The following PARP11 variants were observed in gnomAD, a reference collection of about 807,000 sequenced individuals.
The protein encoded by PARP11 is protein mono-ADP-ribosyltransferase PARP11.
In PARP11, 31 loss-of-function variants were observed where a neutral mutation model predicts 42.9. The ratio of observed to expected loss-of-function variants is 0.72; its 90% CI spans 0.54 to 0.98. PARP11 has a LOEUF of 0.98. Ranked by LOEUF, PARP11 falls within the 50% of genes least tolerant of loss-of-function variation. The pLI is 0.00. For missense variants in PARP11, 365 were observed against 413.1 expected, an observed-to-expected ratio of 0.88 and a Z score of 1.01; for synonymous variants, 137 against 127.3, an observed-to-expected ratio of 1.08 and a Z score of -0.51.
intron 1 of PARP11, chr12:3,842,008 G>A (rs1947898276): frequency 1.2e-6 from 2 of 1,610,952 alleles, no homozygotes; most frequent in Admixed American, 3.3e-5. Context: ...GACACGAAAG[G>A]CAGATATGGC....
rs773746009 is a variant in PARP11, at chr12:3,822,086, T to C, written c.416A>G (p.Gln139Arg). 2.5e-6 allele frequency: 4 copies of C among 1,613,290 alleles called. No homozygotes were observed. The highest frequency in any genetic ancestry group is 3.4e-6 in the Non-Finnish European group (4 of 1,179,372). ...WENVNTQVPY[Q>R]LIPLHNQTHE... Reference sequence around the variant, plus strand: ...ATATTCAGTCAATTCTGCTCTTACCTGATATGGTACTTGAGTATTCACATT... The same window carrying C: ...ATATTCAGTCAATTCTGCTCTTACCCGATATGGTACTTGAGTATTCACATT... The change falls in exon 5 of 8, where the codon CAG becomes CGG. Residue 139 changes from glutamine (Q) to arginine (R), a missense_variant and splice_region_variant. By Grantham distance (43) the Gln-to-Arg change is conservative. Transcript: ENST00000228820.
rs536173387 is a variant in PARP11, at chr12:3,808,906, T to C, written c.*3217A>G. 6.6e-5 allele frequency: 10 copies of C among 152,294 alleles called. No homozygotes were observed. The East Asian group carries it at 1.7e-3, about 26-fold the overall frequency. 9.4% of individuals were successfully genotyped at this position (152,294 alleles called of 1,614,324 possible). On this transcript the variant is annotated 3_prime_UTR_variant, in exon 8 of 8. Coordinates refer to ENST00000228820, the MANE Select transcript of PARP11 (RefSeq NM_020367.6). ...AATCATCACATGTAAAAGCAATACA[T>C]TCATATATCAAAATTGGCTCCAAAT... is the stretch of plus-strand genomic sequence containing the variant.
intron 1 of PARP11, among the ~76,000 whole-genome samples, chr12:3,868,390 G>A (rs947864716): frequency 1.3e-5 from 2 of 152,082 alleles, no homozygotes; most frequent in African/African-American, 4.8e-5. Context: ...AACCCAGGAG[G>A]CAGAGGTTGC....
intron 1 of PARP11, among the ~76,000 whole-genome samples, chr12:3,837,962 A>C (rs1947801186): frequency 6.6e-6 from 1 of 151,758 alleles, no homozygotes; most frequent in South Asian, 2.1e-4. Context: ...ACAAACATTA[A>C]TAGACTTAAA....
At chr12:3,844,436 T>C (rs1368960524) in intron 1 of PARP11, among the ~76,000 whole-genome samples, 1 of 152,252 alleles carries the variant, frequency 6.6e-6, no homozygotes, top group Non-Finnish European at 1.5e-5. Context: ...TGCTTTTTTT[T>C]GTAGGACTAG....
chr12:3,813,900 C>T (rs919483852), intron 7 of PARP11, 137 bp downstream of exon 7: 10 of 569,678 alleles, frequency 1.8e-5, no homozygotes, highest in Non-Finnish European at 2.6e-5. Context: ...TTCTCGTACA[C>T]AATGCAATTA....
At chr12:3,815,789 G>C (rs1947274345) in intron 6 of PARP11, among the ~76,000 whole-genome samples, 1 of 152,184 alleles carries the variant, frequency 6.6e-6, no homozygotes, top group African/African-American at 2.4e-5. Context: ...GAATGCAATA[G>C]ATTTCAGTTA....
chr12:3,848,378 A>G (rs10848945), intron 1 of PARP11, among the ~76,000 whole-genome samples: 60,248 of 151,798 alleles, frequency 0.4, 14,466 homozygotes, highest in East Asian at 0.73. Context: ...AAATAAGGCT[A>G]GAGGCCTCAC....
At chr12:3,839,317 G>C (rs1947839024) in intron 1 of PARP11, 2 of 1,525,350 alleles carry the variant, frequency 1.3e-6, no homozygotes, top group Middle Eastern at 2.2e-4. Context: ...GGCGGCCGTC[G>C]GCGTCCCCGA....
At chr12:3,862,094 T>G (rs1042714070) in intron 1 of PARP11, among the ~76,000 whole-genome samples, 8 of 152,046 alleles carry the variant, frequency 5.3e-5, no homozygotes, top group Non-Finnish European at 1.0e-4. Flanking sequence ...ATGTTCAACA[T>G]GATTAGTCAT....
chr12:3,835,272 A>G (rs149066891), intron 1 of PARP11, among the ~76,000 whole-genome samples: 2 of 152,340 alleles, frequency 1.3e-5, no homozygotes, highest in Non-Finnish European at 2.9e-5. Context: ...GAAATGCCAC[A>G]TAAGTAGTCA....
chr12:3,814,558 G>T (rs1028503458), intron 6 of PARP11, among the ~76,000 whole-genome samples: 6 of 152,168 alleles, frequency 3.9e-5, no homozygotes, highest in African/African-American at 1.2e-4. Flanking sequence ...TTTAGACAGT[G>T]AATTCCTTGA....
intron 1 of PARP11, among the ~76,000 whole-genome samples, chr12:3,838,569 C>G (rs11062855): frequency 0.042 from 6,333 of 152,046 alleles, 149 homozygotes; most frequent in South Asian, 0.096. Context: ...AAAAATAAAC[C>G]AAATCCAAAA....
At chr12:3,863,193 T>G (rs1221954007) in intron 1 of PARP11, among the ~76,000 whole-genome samples, 1 of 152,218 alleles carries the variant, frequency 6.6e-6, no homozygotes, top group Admixed American at 6.5e-5. Flanking sequence ...AGAGATACAT[T>G]GATTTTTGTA....
At chr12:3,848,966 A>G (rs558285684) in intron 1 of PARP11, among the ~76,000 whole-genome samples, 2 of 152,132 alleles carry the variant, frequency 1.3e-5, no homozygotes, top group East Asian at 3.9e-4. Context: ...CAAAAGAAAA[A>G]AAAAAACACA....
Position 3,811,220 on chromosome 12 carries a change from T to C in PARP11, c.*903A>G, listed in dbSNP as rs1173324852. The C allele has an allele frequency of 2.0e-5, 3 of 152,218 alleles. No individual in the cohort carries two copies. Among genetic ancestry groups the C allele is most frequent in the Non-Finnish European group, 2.9e-5 (2 of 68,038 alleles). The allele number at this position is 152,218 out of a possible 1,614,324, so 9.4% of individuals were successfully genotyped here. On this transcript the variant is annotated 3_prime_UTR_variant, in exon 8 of 8. Transcript: ENST00000228820. ...TTTGAAATATGAATTTTAGAAATCA[T>C]TGTTGAATAGCTGTGTGTGCTGCAG...
At chr12:3,837,656 G>C (rs1248926852) in intron 1 of PARP11, among the ~76,000 whole-genome samples, 1 of 149,338 alleles carries the variant, frequency 6.7e-6, no homozygotes, top group African/African-American at 2.5e-5. Flanking sequence ...CAGAGTGGCT[G>C]AATGGCGAAG....
intron 1 of PARP11, among the ~76,000 whole-genome samples, chr12:3,862,827 T>G (rs1019590673): frequency 5.3e-5 from 8 of 152,134 alleles, no homozygotes; most frequent in African/African-American, 9.7e-5. Flanking sequence ...TTGATTATTG[T>G]TGCTTCACAT....
chr12:3,871,599 G>A (rs1337473476), intron 1 of PARP11: 1 of 152,174 alleles, frequency 6.6e-6, no homozygotes, highest in Non-Finnish European at 1.5e-5. Flanking sequence ...CCCATTGTTA[G>A]GAGGCGCACG....
Sources: gnomAD v4.1 joint callset for allele counts (sites outside exome capture counted in the v4.1 genomes callset) on GRCh38, gnomAD v4.1.1 for gene constraint, MANE v1.5 for transcripts, NCBI Gene and HGNC (gene_info 2026-07-23, HGNC 2026-07-21) for gene names.